Variants in SUMF1 observed in about 807,000 individuals in gnomAD.
SUMF1 encodes the protein sulfatase modifying factor 1, also known as formylglycine-generating enzyme.
Under a neutral mutation model 47.6 loss-of-function variants are expected in SUMF1, and 48 were observed. That is an observed-to-expected ratio of 1.01 (90% CI 0.80 to 1.28). The LOEUF is 1.28. SUMF1 is among the 50% of genes most tolerant of loss of function. The pLI is 0.00. For synonymous variants in SUMF1, 230 were observed against 192.1 expected (o/e 1.20, Z -1.63); for missense variants, 571 against 485.4 (o/e 1.18, Z -1.66).
chr3:4,122,038 C>T (rs902673311), intron 8 of SUMF1, among the ~76,000 whole-genome samples: 2 of 151,688 alleles, frequency 1.3e-5, no homozygotes, highest in Non-Finnish European at 2.9e-5. Context: ...CTGTAAAGGA[C>T]ATGATCGCGT....
At chr3:4,430,846 G>T (rs928663222) in intron 3 of SUMF1, among the ~76,000 whole-genome samples, 1 of 152,134 alleles carries the variant, frequency 6.6e-6, no homozygotes, top group South Asian at 2.1e-4. Context: ...GAGCAAGTAA[G>T]GCAGGGCAGG....
chr3:4,423,295 C>CACAG (rs1701965514), intron 3 of SUMF1, among the ~76,000 whole-genome samples: 1 of 151,506 alleles, frequency 6.6e-6, no homozygotes, highest in African/African-American at 2.4e-5. Context: ...CACACACACA[C>CACAG]ACACACACAC....
In SUMF1 at chr3:4,467,079, T is replaced by C. The variant is rs780563746; in HGVS notation, c.167A>G (p.Gln56Arg). 4 of 1,564,492 alleles carry C rather than the reference T, an allele frequency of 2.6e-6. No homozygotes were observed. Among genetic ancestry groups the C allele is most frequent in the Non-Finnish European group, 2.6e-6 (3 of 1,155,930 alleles). ...CGAACTGCCATGGGCGCCAGGCCGCTGGGGCGTGCCGCAGCCGCAAGAACC... is the reference window on the plus strand; with the variant it reads ...CGAACTGCCATGGGCGCCAGGCCGCCGGGGCGTGCCGCAGCCGCAAGAACC... ...LAGSCGCGTP[Q>R]RPGAHGSSAA... The change falls in exon 1 of 9, where the codon CAG becomes CGG. Residue 56 changes from glutamine to arginine, a missense_variant. Gln to Arg is a conservative substitution (Grantham distance 43). Transcript: ENST00000272902.
chr3:4,453,767 C>G (rs1272119033), intron 1 of SUMF1, among the ~76,000 whole-genome samples: 1 of 152,000 alleles, frequency 6.6e-6, no homozygotes, highest in Admixed American at 6.6e-5. Context: ...CTCCTGACCT[C>G]AGGTGATCCA....
intron 9 of SUMF1, among the ~76,000 whole-genome samples, chr3:4,062,792 G>A (rs192962520): frequency 4.6e-5 from 7 of 152,192 alleles, no homozygotes; most frequent in African/African-American, 7.2e-5. Context: ...CATGCATTCC[G>A]GAGATGTACA....
At chr3:4,183,368 T>C (rs1028867106) in intron 8 of SUMF1, among the ~76,000 whole-genome samples, 6 of 152,158 alleles carry the variant, frequency 3.9e-5, no homozygotes, top group African/African-American at 1.4e-4. Flanking sequence ...TGCCTTTAAT[T>C]ATAGTCCTGA....
chr3:4,180,126 G>A (rs1695060067), intron 8 of SUMF1, among the ~76,000 whole-genome samples: 1 of 152,204 alleles, frequency 6.6e-6, no homozygotes, highest in Non-Finnish European at 1.5e-5. Flanking sequence ...CATTGTGGAA[G>A]ACAGTGTGGT....
intron 3 of SUMF1, among the ~76,000 whole-genome samples, chr3:4,444,336 A>G (rs1219316645): frequency 6.6e-6 from 1 of 152,242 alleles, no homozygotes; most frequent in Non-Finnish European, 1.5e-5. Context: ...AGCTTGATCA[A>G]TTCAAATGAC....
At chr3:4,337,021 C>T (rs1699166759) in intron 8 of SUMF1, among the ~76,000 whole-genome samples, 1 of 152,206 alleles carries the variant, frequency 6.6e-6, no homozygotes, top group African/African-American at 2.4e-5. Context: ...TTACCCTTGC[C>T]TTCTTTGCAA....
chr3:4,238,954 A>C (rs1370344317), intron 8 of SUMF1, among the ~76,000 whole-genome samples: 1 of 152,146 alleles, frequency 6.6e-6, no homozygotes, highest in Admixed American at 6.5e-5. Flanking sequence ...TTTTTCTATA[A>C]GGTGTAAGGA....
chr3:4,456,937 T>C (rs2079655013), intron 1 of SUMF1, among the ~76,000 whole-genome samples: 1 of 128,212 alleles, frequency 7.8e-6, no homozygotes, highest in African/African-American at 2.9e-5. Context: ...TATATATACG[T>C]GTGTGTACAT....
chr3:4,466,608 C>T (rs138405685), intron 1 of SUMF1, among the ~76,000 whole-genome samples: 1 of 152,204 alleles, frequency 6.6e-6, no homozygotes, highest in African/African-American at 2.4e-5. Flanking sequence ...ATACAACAAC[C>T]CTGGTGAAGA....
intron 9 of SUMF1, among the ~76,000 whole-genome samples, chr3:4,037,299 G>A (rs1006146275): frequency 1.2e-4 from 18 of 152,016 alleles, no homozygotes; most frequent in African/African-American, 4.4e-4. Flanking sequence ...TGACATCACC[G>A]CCTCCTTCCT....
At chr3:4,312,680 C>G (rs1449825096) in intron 8 of SUMF1, among the ~76,000 whole-genome samples, 1 of 138,334 alleles carries the variant, frequency 7.2e-6, no homozygotes. Context: ...CCAGCCTGTG[C>G]AACAGAGCAA....
In SUMF1 at chr3:4,036,257, G is replaced by A. The variant is rs141718243; in HGVS notation, c.1191+32312C>T. On this transcript the variant is annotated intron_variant and NMD_transcript_variant, in intron 9 of 12. Coordinates refer to the SUMF1 transcript ENST00000448413. ...ATGAGAAAGTAGTCATTCACACATG[G>A]AGACCTCATGTTTAGAATGTAAACA... 7.2e-4 allele frequency among the ~76,000 whole-genome samples: 109 copies of A among 152,272 alleles called. 1 individual carries two copies. Among genetic ancestry groups the A allele is most frequent in the South Asian group, 3.5e-3 (17 of 4,824 alleles).
At chr3:4,437,713 G>C (rs1702446612) in intron 3 of SUMF1, among the ~76,000 whole-genome samples, 1 of 152,016 alleles carries the variant, frequency 6.6e-6, no homozygotes, top group South Asian at 2.1e-4. Flanking sequence ...CTGAGGTAGG[G>C]GGATCACTTG....
chr3:4,155,398 G>A lies in SUMF1; in HGVS notation c.1015-86653C>T, dbSNP rs544576381. On this transcript the variant is annotated intron_variant and NMD_transcript_variant, in intron 8 of 12. Transcript: ENST00000448413. ...TCTTCATATGAATGGAAAATGCTAC[G>A]TACTTGCTTTTCCCAGCTCCTTTAG... is the stretch of plus-strand genomic sequence containing the variant. Among the ~76,000 whole-genome samples, 31 of 151,652 alleles carry A rather than the reference G, an allele frequency of 2.0e-4. 1 individual carries two copies. In the East Asian group the frequency reaches 5.2e-3, roughly 26 times the overall value.
intron 9 of SUMF1, among the ~76,000 whole-genome samples, chr3:4,051,634 C>T (rs76246217): frequency 0.051 from 7,762 of 152,156 alleles, 633 homozygotes; most frequent in African/African-American, 0.17. Flanking sequence ...TTTTTCCTCC[C>T]TCCTACCATC....
At chr3:4,104,994 G>T (rs1693125690) in intron 8 of SUMF1, among the ~76,000 whole-genome samples, 1 of 152,118 alleles carries the variant, frequency 6.6e-6, no homozygotes, top group Non-Finnish European at 1.5e-5. Context: ...ATCAACGAAT[G>T]CATAAAGAAA....
Sources: gnomAD v4.1 joint callset for allele counts (sites outside exome capture counted in the v4.1 genomes callset) on GRCh38, gnomAD v4.1.1 for gene constraint, MANE v1.5 for transcripts, NCBI Gene and HGNC (gene_info 2026-07-23, HGNC 2026-07-21) for gene names.